The following KLF12 variants were observed in gnomAD, a reference collection of about 807,000 sequenced individuals.
KLF12 encodes KLF transcription factor 12.
KLF12 carries 9 observed loss-of-function variants against 37.8 expected under a neutral mutation model. The observed-to-expected ratio is 0.24, with a 90% CI of 0.14 to 0.42. The LOEUF (loss-of-function observed/expected upper bound fraction) is 0.42, where lower values mean the gene tolerates loss of function less well. Ranked by LOEUF, KLF12 falls within the 10% of genes least tolerant of loss-of-function variation. The pLI, the probability that KLF12 is intolerant of heterozygous loss-of-function variation, is 1.00. For missense variants in KLF12, 411 were observed against 516.0 expected (o/e 0.80, Z 1.97); for synonymous variants, 208 against 202.1 (o/e 1.03, Z -0.25).
At chr13:73,837,932 ATGG>A (rs887463646) in intron 4 of KLF12, among the ~76,000 whole-genome samples, 6 of 152,322 alleles carry the variant, frequency 3.9e-5, no homozygotes, top group South Asian at 4.1e-4. Context: ...ATTCCACCAA[ATGG>A]TGAACAAAAG....
chr13:73,720,431 T>C (rs974097796), intron 6 of KLF12, among the ~76,000 whole-genome samples: 25 of 152,302 alleles, frequency 1.6e-4, no homozygotes, highest in African/African-American at 6.0e-4. Flanking sequence ...TCATTAGTAA[T>C]AAGCTTGGTA....
chr13:73,846,451 G>A (rs1420666151), intron 3 of KLF12, 78 bp from the exon 4 acceptor site: 102 of 1,279,476 alleles, frequency 8.0e-5, no homozygotes, highest in Admixed American at 6.9e-5. Flanking sequence ...CCACTTGAAC[G>A]TTTATTACTT....
At chr13:73,772,320 A>G (rs925703931) in intron 5 of KLF12, among the ~76,000 whole-genome samples, 3 of 152,206 alleles carry the variant, frequency 2.0e-5, no homozygotes, top group Admixed American at 2.0e-4. Context: ...AAGGATTCAA[A>G]CACAGTTCCT....
intron 1 of KLF12, among the ~76,000 whole-genome samples, chr13:73,996,886 A>C (rs1311125679): frequency 6.6e-6 from 1 of 152,232 alleles, no homozygotes. Context: ...CACTAGGAGA[A>C]GACATAAGGA....
At chr13:73,972,136 AC>A (rs1376908780) in intron 2 of KLF12, among the ~76,000 whole-genome samples, 1 of 152,230 alleles carries the variant, frequency 6.6e-6, no homozygotes, top group Admixed American at 6.5e-5. Context: ...GGAGGAAAAA[AC>A]ATAATATACA....
chr13:73,783,645 A>G (rs1303190917), intron 5 of KLF12, among the ~76,000 whole-genome samples: 1 of 152,140 alleles, frequency 6.6e-6, no homozygotes, highest in Non-Finnish European at 1.5e-5. Context: ...GCAATTTTCT[A>G]TTTTACTAAT....
chr13:74,056,127 T>C (rs1020056984), intron 1 of KLF12, among the ~76,000 whole-genome samples: 1 of 151,362 alleles, frequency 6.6e-6, no homozygotes, highest in African/African-American at 2.4e-5. Flanking sequence ...GTTTTTAAAA[T>C]AGGATATAGG....
At chr13:73,789,398 G>A in intron 5 of KLF12, among the ~76,000 whole-genome samples, 1 of 152,162 alleles carries the variant, frequency 6.6e-6, no homozygotes, top group East Asian at 1.9e-4. Context: ...GCGCTAGTCA[G>A]AGAGAAATAA....
In KLF12 at chr13:73,917,391, C is replaced by T. The variant is rs1888899318; in HGVS notation, c.123+26590G>A. Among the ~76,000 whole-genome samples, 3 of 152,162 alleles carry T rather than the reference C, an allele frequency of 2.0e-5. No homozygotes were observed. In the South Asian group the frequency reaches 6.2e-4, roughly 32 times the overall value. ...TGGTCACCACCTTGGAGCCCTTCTACACCTTGTAAATCAGATATAATCACC... is the reference window on the plus strand; with the variant it reads ...TGGTCACCACCTTGGAGCCCTTCTATACCTTGTAAATCAGATATAATCACC... On this transcript the variant is annotated intron_variant, in intron 3 of 7. Transcript: ENST00000377669.
chr13:74,096,305 A>G (rs956091488), intron 1 of KLF12, among the ~76,000 whole-genome samples: 7 of 152,170 alleles, frequency 4.6e-5, no homozygotes, highest in Non-Finnish European at 1.0e-4. Flanking sequence ...TTTTGTACCC[A>G]CTGCCCCTTT....
intron 5 of KLF12, among the ~76,000 whole-genome samples, chr13:73,777,267 C>T (rs1365058000): frequency 6.6e-6 from 1 of 152,150 alleles, no homozygotes; most frequent in Non-Finnish European, 1.5e-5. Flanking sequence ...GCATGACTAC[C>T]TTAATGGGAA....
chr13:74,087,194 AGCATG>A (rs1875360796), intron 1 of KLF12, among the ~76,000 whole-genome samples: 1 of 152,194 alleles, frequency 6.6e-6, no homozygotes, highest in African/African-American at 2.4e-5. Context: ...GGAAATAGAA[AGCATG>A]GCCCAAGAAG....
At chr13:73,809,973 C>T (rs532728480) in intron 5 of KLF12, among the ~76,000 whole-genome samples, 2 of 152,110 alleles carry the variant, frequency 1.3e-5, no homozygotes, top group East Asian at 3.9e-4. Flanking sequence ...AGGCTGGGCG[C>T]GGTGGCTCAC....
intron 4 of KLF12, among the ~76,000 whole-genome samples, chr13:73,839,333 G>T (rs1222740679): frequency 1.3e-5 from 2 of 150,868 alleles, no homozygotes; most frequent in Non-Finnish European, 2.9e-5. Context: ...GAGCTCCTGA[G>T]CTCAAGCAAT....
At chr13:73,893,270 C>T (rs1887599826) in intron 3 of KLF12, among the ~76,000 whole-genome samples, 1 of 150,534 alleles carries the variant, frequency 6.6e-6, no homozygotes, top group African/African-American at 2.4e-5. Context: ...TGTGGCTCTT[C>T]TCATTAGGTT....
the KLF12 span, among the ~76,000 whole-genome samples, chr13:74,220,358 C>A: frequency 6.6e-6 from 1 of 152,046 alleles, no homozygotes; most frequent in Non-Finnish European, 1.5e-5. Context: ...ATTTTTGAGT[C>A]TTTGTCTTAA....
chr13:74,146,656 T>G, the KLF12 span, among the ~76,000 whole-genome samples: 1 of 152,122 alleles, frequency 6.6e-6, no homozygotes, highest in Non-Finnish European at 1.5e-5. Flanking sequence ...TTTCATAGAG[T>G]TTTTAATTTA....
chr13:74,139,994 A>T, the KLF12 span, among the ~76,000 whole-genome samples: 1 of 152,154 alleles, frequency 6.6e-6, no homozygotes, highest in Non-Finnish European at 1.5e-5. Flanking sequence ...CCTAGGTATT[A>T]TATTAAGATG....
At chr13:74,178,807 C>A in the KLF12 span, among the ~76,000 whole-genome samples, 2 of 152,138 alleles carry the variant, frequency 1.3e-5, no homozygotes, top group Non-Finnish European at 2.9e-5. Context: ...TTTGACCCTC[C>A]CCAGCCTCAG....
Sources: gnomAD v4.1 joint callset for allele counts (sites outside exome capture counted in the v4.1 genomes callset) on GRCh38, gnomAD v4.1.1 for gene constraint, MANE v1.5 for transcripts, NCBI Gene and HGNC (gene_info 2026-07-23, HGNC 2026-07-21) for gene names.